The following KLK12 variants were observed in gnomAD, a reference collection of about 807,000 sequenced individuals.
KLK12 encodes kallikrein related peptidase 12, also known as kallikrein-12.
In KLK12, 23 loss-of-function variants were observed where a neutral mutation model predicts 20.0. The ratio of observed to expected loss-of-function variants is 1.15; its 90% confidence interval spans 0.83 to 1.63. The LOEUF (loss-of-function observed/expected upper bound fraction) is 1.63, where lower values mean the gene tolerates loss of function less well. Among genes scored for constraint, KLK12 ranks in the 40% most tolerant of loss-of-function variants. The pLI, the probability that KLK12 is intolerant of heterozygous loss-of-function variation, is 0.00. For synonymous variants in KLK12, 147 were observed against 141.9 expected (o/e 1.04, Z -0.25); for missense variants, 351 against 338.6 (o/e 1.04, Z -0.29).
rs1332432909 is a variant in KLK12 at position 51,029,259 on chromosome 19, G to T, written c.*43C>A. 3.7e-6 allele frequency: 6 copies of T among 1,614,070 alleles called. No homozygotes were observed. The highest frequency in any genetic ancestry group is 1.7e-6 in the Non-Finnish European group (2 of 1,179,966). On this transcript the variant is annotated 3_prime_UTR_variant, in exon 6 of 6. Coordinates refer to ENST00000684732, the MANE Select transcript of KLK12 (RefSeq NM_001370125.1). Reference sequence around the variant, plus strand: ...ATATTGGTGCTCTGAGGGCCAGAGGGGTACCCAAGTTAAGGGGTGGGGGTG... The same window carrying T: ...ATATTGGTGCTCTGAGGGCCAGAGGTGTACCCAAGTTAAGGGGTGGGGGTG...
chr19:51,033,683 C>T (rs780963031), intron 3 of KLK12, among the ~76,000 whole-genome samples: 39 of 152,040 alleles, frequency 2.6e-4, no homozygotes, highest in Non-Finnish European at 4.9e-4. Context: ...CAGACTGGGT[C>T]AAGGAATGGC....
intron 3 of KLK12, 37 bp downstream of exon 3, chr19:51,033,943 A>T: frequency 6.3e-7 from 1 of 1,598,708 alleles, no homozygotes; most frequent in Non-Finnish European, 8.5e-7. Flanking sequence ...TTGCCTTCCC[A>T]TAGTCCTCCC....
At chr19:51,030,614 T>G (rs1031593036) in intron 5 of KLK12, among the ~76,000 whole-genome samples, 174 bp downstream of exon 5, 1 of 152,114 alleles carries the variant, frequency 6.6e-6, no homozygotes, top group Non-Finnish European at 1.5e-5. Flanking sequence ...CCTCCCAAAG[T>G]GCTGGGATTA....
At position 51,029,454 on chromosome 19, in the gene KLK12, C is replaced by T. The variant is rs1409744695; in HGVS notation, c.595G>A (p.Asp199Asn). The change falls in exon 6 of 6, where the codon GAT becomes AAT. Residue 199 changes from aspartate to asparagine, a missense_variant. Transcript: ENST00000684732. ...GVPGQDACQG[D>N]SGGPLVCGGV... Reference sequence around the variant, plus strand: ...CCACACACCAGGGGGCCCCCAGAATCACCCTGGAAGGGAAGAGAAGTACTG... The same window carrying T: ...CCACACACCAGGGGGCCCCCAGAATTACCCTGGAAGGGAAGAGAAGTACTG... 7 of 1,610,296 alleles carry T rather than the reference C, an allele frequency of 4.3e-6. No individual in the cohort carries two copies. Among genetic ancestry groups the T allele is most frequent in the African/African-American group, 1.3e-5 (1 of 74,992 alleles).
At chr19:51,030,569 T>C (rs2091545847) in intron 5 of KLK12, among the ~76,000 whole-genome samples, 1 of 151,962 alleles carries the variant, frequency 6.6e-6, no homozygotes. Flanking sequence ...AGGCTTGTCT[T>C]GAACTCCTGA....
intron 3 of KLK12, among the ~76,000 whole-genome samples, chr19:51,032,456 G>A (rs1305602203): frequency 7.2e-6 from 1 of 139,306 alleles, no homozygotes; most frequent in Non-Finnish European, 1.5e-5. Flanking sequence ...GCACCATCTT[G>A]GCTCACTACA....
In KLK12 at chr19:51,030,779, C is replaced by T. The variant is rs1260209787; in HGVS notation, c.591+9G>A. 1 of 1,613,210 alleles carries T rather than the reference C, an allele frequency of 6.2e-7. No homozygotes were observed. Among genetic ancestry groups the T allele is most frequent in the Non-Finnish European group, 8.5e-7 (1 of 1,180,008 alleles). On this transcript the variant is annotated intron_variant, in intron 5 of 5. Coordinates refer to ENST00000684732, the MANE Select transcript of KLK12 (RefSeq NM_001370125.1). ...CTGGTGACCACGCACGCTGCCTGCA[C>T]TGGCTCACCTGGCAGGCATCCTGCC...
intron 4 of KLK12, among the ~76,000 whole-genome samples, chr19:51,031,427 A>T (rs2091555937): frequency 1.3e-5 from 2 of 151,250 alleles, no homozygotes; most frequent in Admixed American, 6.6e-5. Context: ...CGGGCCCCAC[A>T]CCCCAAACGC....
rs777254569 is a variant in KLK12, at chr19:51,030,912, G to A, written c.467C>T (p.Pro156Leu). ...GITNHPRNPF[P>L]DLLQCLNLSI... ...GAGGTTGAGGCACTGGAGCAGATCC[G>A]GGAATGGGTCTGGAGAGAGAACATG... The change falls in exon 5 of 6, where the codon CCG (proline) becomes CTG (leucine). Residue 156 changes from proline (P) to leucine (L), a missense_variant. Transcript: ENST00000684732. 1.2e-5 allele frequency: 20 copies of A among 1,613,974 alleles called. No homozygotes were observed. Among genetic ancestry groups the A allele is most frequent in the Admixed American group, 1.7e-5 (1 of 59,978 alleles).
chr19:51,031,595 C>CATACATATATATATATAT (rs6146546), intron 4 of KLK12, among the ~76,000 whole-genome samples: 1,341 of 120,450 alleles, frequency 0.011, 46 homozygotes, highest in East Asian at 0.02. Context: ...CCTATACATA[C>CATACATATATATATATAT]ATATATATAT....
chr19:51,029,567 A>C, intron 5 of KLK12, 110 bp from the exon 6 acceptor site: 1 of 852,004 alleles, frequency 1.2e-6, no homozygotes, highest in East Asian at 2.6e-5. Context: ...AAGTCTGGTC[A>C]TTAGACAAAA....
chr19:51,033,902 C>G (rs2091584769), intron 3 of KLK12, 78 bp downstream of exon 3: 9 of 1,403,514 alleles, frequency 6.4e-6, no homozygotes, highest in Non-Finnish European at 8.9e-6. Flanking sequence ...CCAGTGGGCA[C>G]CACCCTCCCT....
chr19:51,030,831 T>C lies in KLK12; in HGVS notation c.548A>G (p.Asn183Ser), dbSNP rs752343383. The C allele has an allele frequency of 6.2e-7, 1 of 1,614,058 alleles. No individual in the cohort carries two copies. Among genetic ancestry groups the C allele is most frequent in the Admixed American group, 1.7e-5 (1 of 60,010 alleles). ...HGVYPGRITS[N>S]MVCAGGVPGQ... ...CGGGACGCCGCCTGCACACACCATG[T>C]TGCTCGTGATTCTCCCGGGATACAC... The change falls in exon 5 of 6, where the codon AAC (asparagine) becomes AGC (serine). Residue 183 changes from asparagine (N) to serine (S), a missense_variant. Transcript: ENST00000684732.
rs761641539 is a variant in KLK12, at chr19:51,034,001, G to A, written c.176C>T (p.Thr59Ile). Residue 59 changes from threonine (T) to isoleucine (I), a missense_variant, in exon 3 of 6, where the codon ACA becomes ATA. Thr to Ile is a moderately conservative substitution (Grantham distance 89, BLOSUM62 -1). Coordinates refer to ENST00000684732, the MANE Select transcript of KLK12 (RefSeq NM_001370125.1). The part of the protein sequence containing the change: ...GVLIDHRWVL[T>I]AAHCSGSRYW... ...TTACCTGCCGCTGCAGTGAGCCGCT[G>A]TGAGGACCCACCTGTGGTCAATAAG... The A allele has an allele frequency of 6.2e-7, 1 of 1,611,710 alleles. No individual in the cohort carries two copies.
In KLK12 at chr19:51,029,256, A is replaced by G; in HGVS notation, c.*46T>C. 1 of 1,542,620 alleles carries G rather than the reference A, an allele frequency of 6.5e-7. No individual in the cohort carries two copies. The highest frequency in any genetic ancestry group is 9.0e-7 in the Non-Finnish European group (1 of 1,115,936). ...GAGATATTGGTGCTCTGAGGGCCAG[A>G]GGGGTACCCAAGTTAAGGGGTGGGG... On this transcript the variant is annotated 3_prime_UTR_variant, in exon 6 of 6. Transcript: ENST00000684732.
At chr19:51,034,227 GGA>G (rs2091589586) in intron 2 of KLK12, 88 bp from the exon 3 acceptor site, 21 of 1,407,912 alleles carry the variant, frequency 1.5e-5, no homozygotes, top group Non-Finnish European at 1.8e-5. Context: ...GAAACAGGCA[GGA>G]GAGAGAGAGG....
chr19:51,032,676 C>T (rs1320207172), intron 3 of KLK12, among the ~76,000 whole-genome samples: 6 of 151,852 alleles, frequency 4.0e-5, no homozygotes, highest in African/African-American at 1.2e-4. Flanking sequence ...TGTGAGCCAC[C>T]GCGCCAGGCC....
rs1238630303 is a variant in KLK12, at chr19:51,030,480, G to A, written c.591+308C>T. On this transcript the variant is annotated intron_variant, in intron 5 of 5. Coordinates refer to ENST00000684732, the MANE Select transcript of KLK12 (RefSeq NM_001370125.1). ...TTCTCCTGCCTCAGCCTTCCAAGTA[G>A]CTGGGGCCACAGGCTTGCACCACCA... Among the ~76,000 whole-genome samples the A allele has an allele frequency of 3.9e-5, 6 of 151,962 alleles. 1 individual carries two copies. The highest frequency in any genetic ancestry group is 6.8e-3 in the Middle Eastern group (2 of 294).
chr19:51,034,138 C>T lies in KLK12; in HGVS notation c.39G>A (p.Gly13=). Residue 13 remains glycine (G), a splice_region_variant and synonymous_variant, in exon 3 of 6, where the codon GGG becomes GGA. Coordinates refer to ENST00000684732, the MANE Select transcript of KLK12 (RefSeq NM_001370125.1). Reference sequence around the variant, plus strand: ...TCTTCGGTGTGGCTGCCTGGCTGAGCCCTGGAGACAGACAGGGGCATGGGT... The same window carrying T: ...TCTTCGGTGTGGCTGCCTGGCTGAGTCCTGGAGACAGACAGGGGCATGGGT... ...LSIFLLLCVL[G]LSQAATPKIF... is the part of the protein sequence containing the mutation. 1.1e-5 allele frequency: 17 copies of T among 1,552,030 alleles called. No homozygotes were observed. Among genetic ancestry groups the T allele is most frequent in the Non-Finnish European group, 1.4e-5 (16 of 1,147,270 alleles).
Sources: allele counts gnomAD v4.1 joint callset (sites outside exome capture counted in the v4.1 genomes callset), GRCh38; gene constraint gnomAD v4.1.1; transcripts MANE v1.5; gene names NCBI Gene and HGNC (gene_info 2026-07-23, HGNC 2026-07-21).